The following BACH2 variants were observed in gnomAD, a reference collection of about 807,000 sequenced individuals.
BACH2 encodes BACH transcriptional regulator 2.
Under a neutral mutation model 61.8 loss-of-function variants are expected in BACH2, and 5 were observed. The observed-to-expected ratio is 0.08, with a 90% CI of 0.04 to 0.17. The LOEUF (loss-of-function observed/expected upper bound fraction) is 0.17. Ranked by LOEUF, BACH2 falls within the 10% of genes least tolerant of loss-of-function variation. BACH2 has a pLI of 1.00. For missense variants in BACH2, 824 were observed against 1,091.1 expected, an observed-to-expected ratio of 0.76 and a Z score of 3.45; for synonymous variants, 446 against 440.1, an observed-to-expected ratio of 1.01 and a Z score of -0.17.
At position 90,099,059 on chromosome 6, in the gene BACH2, T is replaced by C. The variant is rs1207804589; in HGVS notation, c.-161-9950A>G. Among the ~76,000 whole-genome samples, 3 of 152,352 alleles carry C rather than the reference T, an allele frequency of 2.0e-5. No individual in the cohort carries two copies. The East Asian group carries it at 5.8e-4, about 29-fold the overall frequency. Reference sequence around the variant, plus strand: ...TTGTTTTAAAAATTAAACCTGTTTTTTTTTTCTTTATCATAAAAGCAACGG... The same window carrying C: ...TTGTTTTAAAAATTAAACCTGTTTTCTTTTTCTTTATCATAAAAGCAACGG... On this transcript the variant is annotated intron_variant, in intron 4 of 8. Transcript: ENST00000257749.
At chr6:90,144,710 C>T (rs1286632848) in intron 4 of BACH2, among the ~76,000 whole-genome samples, 1 of 152,168 alleles carries the variant, frequency 6.6e-6, no homozygotes, top group African/African-American at 2.4e-5. Flanking sequence ...ATTCTAGAAG[C>T]AAACATAAAT....
At chr6:90,251,494 GA>G (rs555364917) in intron 3 of BACH2, among the ~76,000 whole-genome samples, 88 of 96,288 alleles carry the variant, frequency 9.1e-4, no homozygotes, top group African/African-American at 2.3e-3. Context: ...TCAGTACTCT[GA>G]AAACCATTAG....
intron 7 of BACH2, among the ~76,000 whole-genome samples, chr6:89,942,080 A>C (rs986421156): frequency 1.3e-5 from 2 of 152,126 alleles, no homozygotes; most frequent in African/African-American, 2.4e-5. Flanking sequence ...CCAGGTGAAA[A>C]AAACCCCAAC....
chr6:90,040,321 G>A (rs1320112523), intron 5 of BACH2, among the ~76,000 whole-genome samples: 1 of 151,848 alleles, frequency 6.6e-6, no homozygotes, highest in Non-Finnish European at 1.5e-5. Context: ...ACCATTTATT[G>A]AACATCCTTT....
intron 6 of BACH2, among the ~76,000 whole-genome samples, chr6:89,995,670 C>T (rs1776806016): frequency 6.6e-6 from 1 of 152,184 alleles, no homozygotes; most frequent in African/African-American, 2.4e-5. Context: ...CGAGTGATCA[C>T]CTGTACCTGA....
Position 89,950,622 on chromosome 6 carries a change from C to G in BACH2, c.1484G>C (p.Arg495Pro). The change falls in exon 7 of 9, where the codon CGG becomes CCG. Residue 495 changes from arginine (R) to proline (P), a missense_variant. Arg to Pro is a moderately radical substitution (Grantham distance 103). Transcript: ENST00000257749. This position sits in a 1 kb window ranked among gnomAD's most constrained non-coding sequence, Gnocchi z 5.3. ...LMADHLPGRMRPNTSCPVPIK... is the reference protein window; with the variant it reads ...LMADHLPGRMPPNTSCPVPIK... ...TGGTACCGGGCAGCTGGTGTTGGGC[C>G]GCATCCTTCCTGGCAAGTGGTCGGC... 1 of 1,613,932 alleles carries G rather than the reference C, an allele frequency of 6.2e-7. No homozygotes were observed.
chr6:90,163,469 G>GA (rs1241261037), intron 4 of BACH2, among the ~76,000 whole-genome samples: 1 of 151,934 alleles, frequency 6.6e-6, no homozygotes, highest in Non-Finnish European at 1.5e-5. Context: ...TTTGAATTTG[G>GA]AAAAAAGTCA....
chr6:90,289,362 T>G (rs1479229029), intron 1 of BACH2, among the ~76,000 whole-genome samples: 2 of 152,136 alleles, frequency 1.3e-5, no homozygotes, highest in Non-Finnish European at 2.9e-5. Context: ...TAGCCCTGGG[T>G]TGTTCTGAGG....
At chr6:90,283,108 G>C (rs990118243) in intron 1 of BACH2, among the ~76,000 whole-genome samples, 1 of 152,166 alleles carries the variant, frequency 6.6e-6, no homozygotes, top group African/African-American at 2.4e-5. Flanking sequence ...TATTAATGAA[G>C]CTGAGCATCT....
At chr6:90,100,990 C>G (rs547788174) in intron 4 of BACH2, among the ~76,000 whole-genome samples, 1 of 152,266 alleles carries the variant, frequency 6.6e-6, no homozygotes, top group African/African-American at 2.4e-5. Flanking sequence ...TTGCATTTCC[C>G]TAATGACCAA....
chr6:90,263,569 T>C (rs1372062553), intron 2 of BACH2, among the ~76,000 whole-genome samples: 3 of 152,222 alleles, frequency 2.0e-5, no homozygotes, highest in Non-Finnish European at 4.4e-5. Flanking sequence ...TGCATCTACA[T>C]GCCATCCACT....
intron 4 of BACH2, among the ~76,000 whole-genome samples, chr6:90,199,965 CG>C (rs1223019691): frequency 2.6e-5 from 4 of 152,142 alleles, no homozygotes; most frequent in African/African-American, 7.2e-5. Flanking sequence ...ACTCATCTCA[CG>C]GCCCTTTTAC....
chr6:90,019,619 A>G (rs1349378617), intron 5 of BACH2, among the ~76,000 whole-genome samples: 1 of 152,226 alleles, frequency 6.6e-6, no homozygotes, highest in East Asian at 1.9e-4. Flanking sequence ...AACTGAGAGA[A>G]GCTAGTTTTC....
At chr6:90,245,174 G>A (rs573027129) in intron 3 of BACH2, among the ~76,000 whole-genome samples, 1 of 151,920 alleles carries the variant, frequency 6.6e-6, no homozygotes, top group South Asian at 2.1e-4. Flanking sequence ...AATCCTGCCT[G>A]GGTGACAGAG....
At chr6:90,269,586 A>T (rs1404459920) in intron 2 of BACH2, among the ~76,000 whole-genome samples, 2 of 152,210 alleles carry the variant, frequency 1.3e-5, no homozygotes, top group African/African-American at 4.8e-5. Context: ...ACCAAGGGGT[A>T]ACCAGCATCA....
intron 5 of BACH2, among the ~76,000 whole-genome samples, chr6:90,064,417 G>T (rs1236168975): frequency 6.6e-6 from 1 of 152,220 alleles, no homozygotes; most frequent in Non-Finnish European, 1.5e-5. Context: ...ATATGGTCCA[G>T]ACAAGAAGCG....
chr6:89,943,356 A>G (rs543591003), intron 7 of BACH2, among the ~76,000 whole-genome samples: 9 of 152,314 alleles, frequency 5.9e-5, no homozygotes, highest in Admixed American at 2.0e-4. Context: ...ACCATTCTTC[A>G]GCCTAAACCA....
intron 4 of BACH2, among the ~76,000 whole-genome samples, chr6:90,095,359 G>C (rs1782340160): frequency 6.6e-6 from 1 of 152,110 alleles, no homozygotes; most frequent in African/African-American, 2.4e-5. Context: ...GGTGATGAAA[G>C]AAAGTGGGCT....
Position 90,246,495 on chromosome 6 carries a change from T to C in BACH2, c.-275+6018A>G, listed in dbSNP as rs569002969. Among the ~76,000 whole-genome samples, 8 of 152,272 alleles carry C rather than the reference T, an allele frequency of 5.3e-5. No individual in the cohort carries two copies. The East Asian group carries it at 1.5e-3, about 29-fold the overall frequency. ...AAGAAAAATGCGTTACATTCCTCCC[T>C]ATTGATGTCTAATGTAGTACAGTGT... is the stretch of plus-strand genomic sequence containing the variant. On this transcript the variant is annotated intron_variant, in intron 3 of 8. Transcript: ENST00000257749.
Sources: gnomAD v4.1 joint callset for allele counts (sites outside exome capture counted in the v4.1 genomes callset) on GRCh38, gnomAD v4.1.1 for gene constraint, Gnocchi (gnomAD v3.1) non-coding constraint, MANE v1.5 for transcripts, NCBI Gene and HGNC (gene_info 2026-07-23, HGNC 2026-07-21) for gene names.